The following SHISA9 variants were observed in gnomAD, a reference collection of about 807,000 sequenced individuals.
SHISA9 encodes shisa family member 9, also known as protein shisa-9.
Under a neutral mutation model 38.0 loss-of-function variants are expected in SHISA9, and 13 were observed. The ratio of observed to expected loss-of-function variants is 0.34; its 90% CI spans 0.22 to 0.54. The LOEUF (loss-of-function observed/expected upper bound fraction) is 0.54. Ranked by LOEUF, SHISA9 falls within the 20% of genes least tolerant of loss-of-function variation. The pLI is 0.91. For synonymous variants in SHISA9, 275 were observed against 242.0 expected (o/e 1.14, Z -1.27); for missense variants, 538 against 575.8 (o/e 0.93, Z 0.67).
At chr16:13,037,896 T>A (rs2073093067) in intron 2 of SHISA9, among the ~76,000 whole-genome samples, 1 of 152,348 alleles carries the variant, frequency 6.6e-6, no homozygotes, top group Non-Finnish European at 1.5e-5. Flanking sequence ...CCAGTTTCTT[T>A]CCTTGCTTTT....
intron 2 of SHISA9, among the ~76,000 whole-genome samples, chr16:13,184,885 A>C (rs1020220208): frequency 6.6e-6 from 1 of 152,232 alleles, no homozygotes; most frequent in Non-Finnish European, 1.5e-5. Flanking sequence ...ATTATGAATA[A>C]ATCCACTTTA....
chr16:13,534,279 C>T, the SHISA9 span, among the ~76,000 whole-genome samples: 1 of 146,572 alleles, frequency 6.8e-6, no homozygotes, highest in Admixed American at 6.9e-5. Flanking sequence ...AGCTGGAGTG[C>T]AGTGGTGCGA....
At chr16:13,050,403 C>G (rs1220965532) in intron 2 of SHISA9, among the ~76,000 whole-genome samples, 1 of 152,118 alleles carries the variant, frequency 6.6e-6, no homozygotes, top group Non-Finnish European at 1.5e-5. Flanking sequence ...GTGATCTTGG[C>G]TCACTGCAAC....
chr16:13,456,963 C>T, the SHISA9 span, among the ~76,000 whole-genome samples: 1 of 152,254 alleles, frequency 6.6e-6, no homozygotes, highest in African/African-American at 2.4e-5. Context: ...GGCCTATTCC[C>T]TTGGCTAATG....
At chr16:12,920,532 C>T (rs1023080916) in intron 2 of SHISA9, among the ~76,000 whole-genome samples, 1 of 152,140 alleles carries the variant, frequency 6.6e-6, no homozygotes, top group African/African-American at 2.4e-5. Context: ...AGGATAGATG[C>T]TTGAGGGGAT....
At chr16:13,051,367 C>T (rs2073249076) in intron 2 of SHISA9, among the ~76,000 whole-genome samples, 1 of 152,172 alleles carries the variant, frequency 6.6e-6, no homozygotes, top group South Asian at 2.1e-4. Flanking sequence ...CCCGATGATG[C>T]AATTGTCTCC....
chr16:13,453,582 T>G, the SHISA9 span, among the ~76,000 whole-genome samples: 1 of 152,172 alleles, frequency 6.6e-6, no homozygotes, highest in Non-Finnish European at 1.5e-5. Flanking sequence ...CAGGCCATCC[T>G]AGACCAGCCA....
the SHISA9 span, among the ~76,000 whole-genome samples, chr16:13,434,118 C>T: frequency 5.6e-4 from 86 of 152,256 alleles, no homozygotes; most frequent in Non-Finnish European, 1.1e-3. Flanking sequence ...GCTGAAGAAC[C>T]TGGAGTCCAA....
At chr16:13,518,202 G>A in the SHISA9 span, among the ~76,000 whole-genome samples, 1 of 151,860 alleles carries the variant, frequency 6.6e-6, no homozygotes, top group African/African-American at 2.4e-5. Flanking sequence ...TGCCTCTGGT[G>A]CAGCAACACC....
chr16:13,528,886 G>A, the SHISA9 span, among the ~76,000 whole-genome samples: 5 of 152,128 alleles, frequency 3.3e-5, no homozygotes, highest in South Asian at 2.1e-4. Context: ...GAACATGTAC[G>A]TGATGATCAG....
At chr16:13,072,723 C>T (rs941035362) in intron 2 of SHISA9, among the ~76,000 whole-genome samples, 1 of 151,536 alleles carries the variant, frequency 6.6e-6, no homozygotes, top group Non-Finnish European at 1.5e-5. Context: ...TGCAGTGGCA[C>T]GATCTCAGCT....
chr16:13,118,235 C>T (rs2074050626), intron 2 of SHISA9, among the ~76,000 whole-genome samples: 1 of 150,356 alleles, frequency 6.7e-6, no homozygotes, highest in Admixed American at 6.6e-5. Flanking sequence ...GACACATTCA[C>T]CAGTAATACA....
chr16:12,954,145 A>G (rs1306941951), intron 2 of SHISA9, among the ~76,000 whole-genome samples: 1 of 152,174 alleles, frequency 6.6e-6, no homozygotes. Flanking sequence ...ACAATGTTGG[A>G]CTGAAGATGT....
At chr16:13,460,764 C>T in the SHISA9 span, among the ~76,000 whole-genome samples, 1 of 152,192 alleles carries the variant, frequency 6.6e-6, no homozygotes, top group Non-Finnish European at 1.5e-5. Context: ...CCTTCCTTCT[C>T]TCTGGTGTGA....
chr16:13,394,679 C>G, the SHISA9 span, among the ~76,000 whole-genome samples: 2 of 152,194 alleles, frequency 1.3e-5, no homozygotes, highest in Non-Finnish European at 2.9e-5. Flanking sequence ...GCAATGTACT[C>G]TCTTTGTGCC....
At chr16:13,164,699 A>G (rs1372969281) in intron 2 of SHISA9, among the ~76,000 whole-genome samples, 1 of 152,096 alleles carries the variant, frequency 6.6e-6, no homozygotes, top group Non-Finnish European at 1.5e-5. Context: ...TTTTCATTCT[A>G]TTCAGTTCAA....
At chr16:13,184,723 C>T (rs775210712) in intron 2 of SHISA9, among the ~76,000 whole-genome samples, 22 of 151,862 alleles carry the variant, frequency 1.4e-4, no homozygotes, top group Non-Finnish European at 2.1e-4. Context: ...ATCTGGCATT[C>T]GAGTCTGGCT....
the SHISA9 span, among the ~76,000 whole-genome samples, chr16:13,483,420 T>C: frequency 1.3e-5 from 2 of 152,156 alleles, no homozygotes; most frequent in Non-Finnish European, 2.9e-5. Flanking sequence ...TTTTTCTAAG[T>C]TTAAAAACAT....
chr16:12,902,057 G>C lies in SHISA9; in HGVS notation c.-8G>C, dbSNP rs2071023336. ...GGCCGAGCGGCCGAGCCCGGGCTGG[G>C]AGACACCATGCGCCGCGTCCTTCGG... On this transcript the variant is annotated 5_prime_UTR_variant, in exon 1 of 5. Coordinates refer to ENST00000558583, the MANE Select transcript of SHISA9 (RefSeq NM_001145204.3). 5 of 1,480,050 alleles carry C rather than the reference G, an allele frequency of 3.4e-6. 1 individual carries two copies. The African/African-American group carries it at 4.4e-5, about 13-fold the overall frequency. 91.7% of individuals were successfully genotyped at this position (1,480,050 alleles called of 1,614,324 possible).
Sources: allele counts gnomAD v4.1 joint callset (sites outside exome capture counted in the v4.1 genomes callset), GRCh38; gene constraint gnomAD v4.1.1; transcripts MANE v1.5; gene names NCBI Gene and HGNC (gene_info 2026-07-23, HGNC 2026-07-21).